The following SS18L2 variants were observed in gnomAD, a reference collection of about 807,000 sequenced individuals.
SS18L2 encodes SS18 like 2.
SS18L2 carries 8 observed loss-of-function variants against 10.3 expected under a neutral mutation model. The ratio of observed to expected loss-of-function variants is 0.78; its 90% CI spans 0.46 to 1.41. SS18L2 has a LOEUF of 1.41. SS18L2 is among the 40% of genes most tolerant of loss of function. The pLI is 0.00. For missense variants in SS18L2, 100 were observed against 96.2 expected, an observed-to-expected ratio of 1.04 and a Z score of -0.17; for synonymous variants, 41 against 34.6, an observed-to-expected ratio of 1.19 and a Z score of -0.65.
At chr3:42,584,536 G>T (rs572768786) in intron 1 of SS18L2, among the ~76,000 whole-genome samples, 1 of 152,338 alleles carries the variant, frequency 6.6e-6, no homozygotes, top group Non-Finnish European at 1.5e-5. Context: ...GATTACAGGC[G>T]TGAGCCACCA....
chr3:42,590,758 C>T (rs912760738), upstream of SS18L2: 3 of 888,074 alleles, frequency 3.4e-6, no homozygotes, highest in African/African-American at 3.3e-5. Context: ...CTGAGTATAG[C>T]TCTTGCGCGT....
upstream of SS18L2, among the ~76,000 whole-genome samples, chr3:42,586,202 G>C (rs1704603426): frequency 6.6e-6 from 1 of 152,032 alleles, no homozygotes; most frequent in African/African-American, 2.4e-5. Flanking sequence ...CCTCCTCAAA[G>C]ACCTAGTCTT....
intron 2 of SS18L2, 76 bp from the exon 3 acceptor site, chr3:42,594,346 G>T: frequency 8.8e-7 from 1 of 1,141,290 alleles, no homozygotes. Flanking sequence ...ACTAGAGTGG[G>T]TAAATTATTT....
At chr3:42,594,272 C>A in intron 2 of SS18L2, 150 bp from the exon 3 acceptor site, 1 of 625,370 alleles carries the variant, frequency 1.6e-6, no homozygotes, top group Non-Finnish European at 2.9e-6. Context: ...CTATATTTTC[C>A]TTAAATATGT....
upstream of SS18L2, among the ~76,000 whole-genome samples, chr3:42,588,042 C>T (rs1401800120): frequency 6.6e-6 from 1 of 151,750 alleles, no homozygotes; most frequent in African/African-American, 2.4e-5. Context: ...CATTGCACTC[C>T]AGCCTGGGCA....
At chr3:42,584,794 G>C (rs1704557549) in intron 1 of SS18L2, among the ~76,000 whole-genome samples, 1 of 152,142 alleles carries the variant, frequency 6.6e-6, no homozygotes, top group African/African-American at 2.4e-5. Context: ...GGAGATTCAG[G>C]GTTGGTAAAG....
At chr3:42,589,573 C>T (rs1167926864), upstream of SS18L2, among the ~76,000 whole-genome samples, 1 of 152,218 alleles carries the variant, frequency 6.6e-6, no homozygotes, top group Non-Finnish European at 1.5e-5. Context: ...ATAAGCATTA[C>T]CGCCGAGCAT....
chr3:42,591,434 C>T, intron 1 of SS18L2, 91 bp from the exon 2 acceptor site: 2 of 898,180 alleles, frequency 2.2e-6, no homozygotes, highest in Non-Finnish European at 3.7e-6. Context: ...ACCTCGTGAT[C>T]CGCCTAGATC....
chr3:42,596,427 C>T lies in SS18L2; in HGVS notation c.*1918C>T, dbSNP rs987560706. ...GAAGTTCTAATTGCTGGCATAATCA[C>T]ACTCTAAAAGGCTGAACCCCAGAAT... On this transcript the variant is annotated 3_prime_UTR_variant, in exon 3 of 3. Coordinates refer to ENST00000011691, the MANE Select transcript of SS18L2 (RefSeq NM_001370300.1). 6.6e-6 allele frequency among the ~76,000 whole-genome samples: 1 copy of T among 152,236 alleles called. No homozygotes were observed. Among genetic ancestry groups the T allele is most frequent in the East Asian group, 1.9e-4 (1 of 5,206 alleles).
upstream of SS18L2, among the ~76,000 whole-genome samples, chr3:42,588,167 G>T (rs568845408): frequency 3.3e-5 from 5 of 152,040 alleles, no homozygotes; most frequent in South Asian, 1.0e-3. Context: ...ACTTTGGGAG[G>T]CCGAGGCAGA....
At position 42,593,336 on chromosome 3, in the gene SS18L2, G is replaced by A. The variant is rs192837307; in HGVS notation, c.147-1086G>A. ...GGAGGCCGAGGCAGGAGAATTGCTTGAACCCAGGAGGTGGAGGTTGCAGTG... is the reference window on the plus strand; with the variant it reads ...GGAGGCCGAGGCAGGAGAATTGCTTAAACCCAGGAGGTGGAGGTTGCAGTG... On this transcript the variant is annotated intron_variant, in intron 2 of 2. Transcript: ENST00000011691. 3.3e-3 allele frequency among the ~76,000 whole-genome samples: 496 copies of A among 152,320 alleles called. 1 individual carries two copies. Among genetic ancestry groups the A allele is most frequent in the African/African-American group, 0.011 (468 of 41,562 alleles).
chr3:42,595,341 G>A lies in SS18L2; in HGVS notation c.*832G>A, dbSNP rs1469525307. ...TAGGTGTTTACCCTAGAATTCTCTC[G>A]TGTTCTACATACAGTTGTATCTCTG... is the stretch of plus-strand genomic sequence containing the variant. On this transcript the variant is annotated 3_prime_UTR_variant, in exon 3 of 3. Coordinates refer to ENST00000011691, the MANE Select transcript of SS18L2 (RefSeq NM_001370300.1). Among the ~76,000 whole-genome samples the A allele has an allele frequency of 1.3e-5, 2 of 151,946 alleles. No homozygotes were observed. Among genetic ancestry groups the A allele is most frequent in the Non-Finnish European group, 2.9e-5 (2 of 67,988 alleles).
chr3:42,589,210 A>T (rs937316980), upstream of SS18L2, among the ~76,000 whole-genome samples: 2 of 151,416 alleles, frequency 1.3e-5, no homozygotes, highest in South Asian at 4.2e-4. Context: ...CAGAGGTTGC[A>T]GTGAGCCGAG....
At chr3:42,582,448 G>T (rs1428022497) in intron 1 of SS18L2, 6 of 152,362 alleles carry the variant, frequency 3.9e-5, no homozygotes, top group Non-Finnish European at 8.8e-5. Context: ...GACCCAGGGG[G>T]ACACACCCCA....
rs935831484 is a variant in SS18L2, at chr3:42,595,284, A to T, written c.*775A>T. ...TTAAGTCACTTAAAGAATACTTAAT[A>T]GTTCCTTTTTTTCTTTATTTGTTGA... On this transcript the variant is annotated 3_prime_UTR_variant, in exon 3 of 3. Coordinates refer to ENST00000011691, the MANE Select transcript of SS18L2 (RefSeq NM_001370300.1). Among the ~76,000 whole-genome samples the T allele has an allele frequency of 6.6e-6, 1 of 152,324 alleles. No homozygotes were observed. Among genetic ancestry groups the T allele is most frequent in the South Asian group, 2.1e-4 (1 of 4,826 alleles).
Position 42,583,319 on chromosome 3 carries a change from T to C in SS18L2, c.-90+1361T>C, listed in dbSNP as rs542442288. ...GGGTGAGAGTGAAGAAAAAGAGATCTAAGAAGGCTGCAGAGAAATGTAGGA... is the reference window on the plus strand; with the variant it reads ...GGGTGAGAGTGAAGAAAAAGAGATCCAAGAAGGCTGCAGAGAAATGTAGGA... On this transcript the variant is annotated intron_variant, in intron 1 of 3. Coordinates refer to the SS18L2 transcript ENST00000447630. Among the ~76,000 whole-genome samples, 4 of 152,234 alleles carry C rather than the reference T, an allele frequency of 2.6e-5. No individual in the cohort carries two copies. In the South Asian group the frequency reaches 8.3e-4, roughly 32 times the overall value.
upstream of SS18L2, among the ~76,000 whole-genome samples, chr3:42,590,144 G>A (rs932814644): frequency 1.1e-4 from 17 of 152,210 alleles, no homozygotes; most frequent in Admixed American, 3.9e-4. Context: ...AGGCTATGTG[G>A]AAAAACGCGA....
intron 2 of SS18L2, among the ~76,000 whole-genome samples, chr3:42,592,547 G>T (rs1365862271): frequency 6.6e-6 from 1 of 152,132 alleles, no homozygotes; most frequent in Non-Finnish European, 1.5e-5. Flanking sequence ...TGTTACTGAA[G>T]AAATGTTTCA....
chr3:42,591,276 G>T, intron 1 of SS18L2: 1 of 573,800 alleles, frequency 1.7e-6, no homozygotes, highest in East Asian at 2.9e-5. Flanking sequence ...TTGGCTCACT[G>T]AAACCACCGC....
Sources: gnomAD v4.1 joint callset for allele counts (sites outside exome capture counted in the v4.1 genomes callset) on GRCh38, gnomAD v4.1.1 for gene constraint, MANE v1.5 for transcripts, NCBI Gene and HGNC (gene_info 2026-07-23, HGNC 2026-07-21) for gene names.